NDUFS1: variants seen among roughly 807,000 people sequenced by gnomAD.
NDUFS1 encodes the protein NADH-ubiquinone oxidoreductase 75 kDa subunit, mitochondrial.
In NDUFS1, 61 loss-of-function variants were observed where a neutral mutation model predicts 84.4. The ratio of observed to expected loss-of-function variants is 0.72; its 90% CI spans 0.59 to 0.89. NDUFS1 has a LOEUF of 0.89. Among genes scored for constraint, NDUFS1 ranks in the 40% least tolerant of loss-of-function variants. The pLI, the probability that NDUFS1 is intolerant of heterozygous loss-of-function variation, is 0.00. For missense variants in NDUFS1, 891 were observed against 890.0 expected, an observed-to-expected ratio of 1.00 and a Z score of -0.01; for synonymous variants, 275 against 290.0, an observed-to-expected ratio of 0.95 and a Z score of 0.53.
intron 12 of NDUFS1, among the ~76,000 whole-genome samples, chr2:206,140,941 T>TAC (rs757622422): frequency 1.5e-5 from 1 of 67,056 alleles, no homozygotes; most frequent in Admixed American, 1.5e-4. Context: ...TATATATATA[T>TAC]ATACACACAC....
At chr2:206,134,107 T>A (rs1691617279) in intron 13 of NDUFS1, among the ~76,000 whole-genome samples, 1 of 152,212 alleles carries the variant, frequency 6.6e-6, no homozygotes, top group South Asian at 2.1e-4. Flanking sequence ...TATGCTGATA[T>A]ATTATAAAGA....
intron 12 of NDUFS1, 134 bp from the exon 13 acceptor site, chr2:206,138,748 T>G: frequency 1.0e-6 from 1 of 989,826 alleles, no homozygotes; most frequent in South Asian, 1.4e-5. Context: ...CAGATATGAT[T>G]TACTACGTAC....
chr2:206,129,838 C>A (rs866759713), intron 15 of NDUFS1, among the ~76,000 whole-genome samples: 1 of 151,858 alleles, frequency 6.6e-6, no homozygotes, highest in Non-Finnish European at 1.5e-5. Flanking sequence ...GTGATCCACC[C>A]GCACTGGCCT....
Position 206,142,024 on chromosome 2 carries a change from A to G in NDUFS1, c.1179T>C (p.Gly393=), listed in dbSNP as rs1691981313. 7.5e-6 allele frequency: 12 copies of G among 1,606,922 alleles called. No homozygotes were observed. Among genetic ancestry groups the G allele is most frequent in the Non-Finnish European group, 1.0e-5 (12 of 1,173,452 alleles). The change falls in exon 12 of 19, where the codon GGT becomes GGC. Residue 393 remains glycine, a synonymous_variant. Coordinates refer to ENST00000233190, the MANE Select transcript of NDUFS1 (RefSeq NM_005006.7). ...SNYLLNTTIA[G]VEEADVVLLV... ...GAAGAACAACATCTGCCTCTTCCAC[A>G]CCAGCAATTGTAGTATTAAGAAGAT...
intron 13 of NDUFS1, among the ~76,000 whole-genome samples, chr2:206,135,152 G>C (rs1435320031): frequency 6.6e-6 from 1 of 151,906 alleles, no homozygotes; most frequent in Non-Finnish European, 1.5e-5. Context: ...CCAAGTAGCT[G>C]AGATTACTGG....
rs991040952 is a variant in NDUFS1, at chr2:206,154,059, C to A, written c.-4-377G>T. 1.1e-4 allele frequency among the ~76,000 whole-genome samples: 17 copies of A among 152,316 alleles called. 1 individual carries two copies. The highest frequency in any genetic ancestry group is 3.8e-4 in the African/African-American group (16 of 41,570). On this transcript the variant is annotated intron_variant, in intron 1 of 18. Coordinates refer to ENST00000233190, the MANE Select transcript of NDUFS1 (RefSeq NM_005006.7). Reference sequence around the variant, plus strand: ...ATGTAAAATAAAGTTGTCTTTTCTGCTTTTATTTCCTACCAATACCCATTC... The same window carrying A: ...ATGTAAAATAAAGTTGTCTTTTCTGATTTTATTTCCTACCAATACCCATTC...
chr2:206,157,492 G>A (rs1687706773), intron 1 of NDUFS1, among the ~76,000 whole-genome samples: 1 of 152,172 alleles, frequency 6.6e-6, no homozygotes, highest in African/African-American at 2.4e-5. Flanking sequence ...AACTAGAGTA[G>A]CATCTGTCCT....
At chr2:206,145,857 G>GATACTTTGGAGGTC (rs529098883) in intron 8 of NDUFS1, among the ~76,000 whole-genome samples, 41 of 152,300 alleles carry the variant, frequency 2.7e-4, no homozygotes, top group Admixed American at 5.2e-4. Flanking sequence ...TTGTGGAGGT[G>GATACTTTGGAGGTC]ATACTTTGGA....
chr2:206,149,788 G>A (rs1692296500), intron 4 of NDUFS1, 30 bp downstream of exon 4: 2 of 1,479,886 alleles, frequency 1.4e-6, no homozygotes, highest in Non-Finnish European at 1.9e-6. Context: ...ACCTTCTACA[G>A]CATGGTGTAG....
At chr2:206,124,341 T>G in intron 18 of NDUFS1, 65 bp from the exon 19 acceptor site, 1 of 1,195,286 alleles carries the variant, frequency 8.4e-7, no homozygotes, top group Non-Finnish European at 1.3e-6. Flanking sequence ...TACTAAAACT[T>G]TAATGGTGCA....
rs956342580 is a variant in NDUFS1 at position 206,124,843 on chromosome 2, AAAAT to A, written c.2093-571_2093-568del. ...GACAGAGCAAGACTCTTGTCTCAAA[AAAAT>A]AAATAAATAAATAAATATAGGAAAA... On this transcript the variant is annotated intron_variant, in intron 18 of 18. Coordinates refer to ENST00000233190, the MANE Select transcript of NDUFS1 (RefSeq NM_005006.7). 7.2e-5 allele frequency among the ~76,000 whole-genome samples: 11 copies of A among 152,218 alleles called. No individual in the cohort carries two copies. The East Asian group carries it at 7.7e-4, about 11-fold the overall frequency.
At chr2:206,140,639 C>T (rs1206444502) in intron 12 of NDUFS1, among the ~76,000 whole-genome samples, 1 of 151,794 alleles carries the variant, frequency 6.6e-6, no homozygotes, top group Non-Finnish European at 1.5e-5. Flanking sequence ...CGCCACCATG[C>T]CCGGCTAATT....
At position 206,153,672 on chromosome 2, in the gene NDUFS1, T is replaced by C; in HGVS notation, c.7A>G (p.Arg3Gly). 1 of 1,484,440 alleles carries C rather than the reference T, an allele frequency of 6.7e-7. No homozygotes were observed. The highest frequency in any genetic ancestry group is 9.3e-7 in the Non-Finnish European group (1 of 1,070,782). 92.0% of individuals were successfully genotyped at this position (1,484,440 alleles called of 1,614,324 possible). A position where few individuals can be genotyped will look rare whatever the true frequency, so the allele number is the denominator to read the frequency against. ML[R>G]IPVRKALVGL... ...ACTAAGGCCTTTCTTACAGGTATCC[T>C]TAACATATTGCTAAAAATAAAACAA... Residue 3 changes from arginine (R) to glycine (G), a missense_variant, in exon 2 of 19, where the codon AGG becomes GGG. Coordinates refer to ENST00000233190, the MANE Select transcript of NDUFS1 (RefSeq NM_005006.7).
chr2:206,130,363 T>A, intron 14 of NDUFS1, 121 bp from the exon 15 acceptor site: 1 of 1,311,124 alleles, frequency 7.6e-7, no homozygotes, highest in Non-Finnish European at 1.0e-6. Flanking sequence ...TTTATTTTAT[T>A]TTTTTCTCGG....
In NDUFS1 at chr2:206,117,698, T is replaced by C. The variant is rs1351576909; in HGVS notation, c.*6487A>G. ...GAGCCACCGCACCCAGCTGATACTC[T>C]GCAAATGTTTAATAGATGTTGGAGC... On this transcript the variant is annotated 3_prime_UTR_variant, in exon 19 of 19. Coordinates refer to ENST00000233190, the MANE Select transcript of NDUFS1 (RefSeq NM_005006.7). 3 of 152,196 alleles carry C rather than the reference T, an allele frequency of 2.0e-5. No individual in the cohort carries two copies. The highest frequency in any genetic ancestry group is 2.9e-5 in the Non-Finnish European group (2 of 68,030). The allele number at this position is 152,196 out of a possible 1,614,324, so 9.4% of individuals were successfully genotyped here. A position where few individuals can be genotyped will look rare whatever the true frequency, so the allele number is the denominator to read the frequency against.
At chr2:206,124,757 T>A (rs1490878790) in intron 18 of NDUFS1, among the ~76,000 whole-genome samples, 1 of 151,928 alleles carries the variant, frequency 6.6e-6, no homozygotes, top group Non-Finnish European at 1.5e-5. Flanking sequence ...GAGAATCGTG[T>A]GAACCTAGGA....
In NDUFS1 at chr2:206,119,762, A is replaced by G. The variant is rs891821508; in HGVS notation, c.*4423T>C. The G allele has an allele frequency of 1.3e-5, 2 of 152,088 alleles. No homozygotes were observed. Among genetic ancestry groups the G allele is most frequent in the African/African-American group, 4.8e-5 (2 of 41,402 alleles). The allele number at this position is 152,088 out of a possible 1,614,324, so 9.4% of individuals were successfully genotyped here. Reference sequence around the variant, plus strand: ...TTCATTATAATACAATTTACTACAAATTTGAGGGGGGAGGCTTTCCATATG... The same window carrying G: ...TTCATTATAATACAATTTACTACAAGTTTGAGGGGGGAGGCTTTCCATATG... On this transcript the variant is annotated 3_prime_UTR_variant, in exon 19 of 19. Coordinates refer to ENST00000233190, the MANE Select transcript of NDUFS1 (RefSeq NM_005006.7).
At position 206,121,767 on chromosome 2, in the gene NDUFS1, T is replaced by A. The variant is rs1691103202; in HGVS notation, c.*2418A>T. On this transcript the variant is annotated 3_prime_UTR_variant, in exon 19 of 19. Coordinates refer to ENST00000233190, the MANE Select transcript of NDUFS1 (RefSeq NM_005006.7). ...GCGCCCGGTCCAGACAAGGTATTTT[T>A]TAGAGATTATGATTGTTCACCACAA... 1.3e-5 allele frequency: 2 copies of A among 151,958 alleles called. No homozygotes were observed. The highest frequency in any genetic ancestry group is 1.3e-4 in the Admixed American group (2 of 15,232). 9.4% of individuals were successfully genotyped at this position (151,958 alleles called of 1,614,324 possible).
chr2:206,134,555 A>G (rs1220453968), intron 13 of NDUFS1, among the ~76,000 whole-genome samples: 2 of 151,938 alleles, frequency 1.3e-5, no homozygotes, highest in African/African-American at 4.8e-5. Context: ...GCACTCCAGC[A>G]TGGGTGACAG....
Sources: gnomAD v4.1 joint callset for allele counts (sites outside exome capture counted in the v4.1 genomes callset) on GRCh38, gnomAD v4.1.1 for gene constraint, MANE v1.5 for transcripts, NCBI Gene and HGNC (gene_info 2026-07-23, HGNC 2026-07-21) for gene names.